Variants in TPR observed in about 807,000 individuals in gnomAD.
TPR encodes translocated promoter region, nuclear basket protein.
In TPR, 51 loss-of-function variants were observed where a neutral mutation model predicts 316.1. The ratio of observed to expected loss-of-function variants is 0.16; its 90% confidence interval spans 0.13 to 0.20. The LOEUF is 0.20. TPR is among the 10% of genes least tolerant of loss of function. TPR has a pLI of 1.00. For missense variants in TPR, 2,272 were observed against 2,754.8 expected, an observed-to-expected ratio of 0.82 and a Z score of 3.92; for synonymous variants, 981 against 914.7, an observed-to-expected ratio of 1.07 and a Z score of -1.31.
At position 186,339,892 on chromosome 1, in the gene TPR, G is replaced by C. The variant is rs181431347; in HGVS notation, c.4021-120C>G. 1.4e-5 allele frequency: 11 copies of C among 780,338 alleles called. No individual in the cohort carries two copies. In the Admixed American group the frequency reaches 2.3e-4, roughly 17 times the overall value. 48.3% of individuals were successfully genotyped at this position (780,338 alleles called of 1,614,324 possible). ...GGTGTCCTGCATGTAAAGTAATCAA[G>C]CATGGAACTACAAGATACTAAGATC... On this transcript the variant is annotated intron_variant, in intron 29 of 50. Transcript: ENST00000367478.
At chr1:186,315,723 T>G (rs1257360972) in intron 49 of TPR, among the ~76,000 whole-genome samples, 1 of 151,620 alleles carries the variant, frequency 6.6e-6, no homozygotes, top group Non-Finnish European at 1.5e-5. Flanking sequence ...ATCTACTCGA[T>G]CTATCCTCTC....
chr1:186,362,169 G>T, intron 7 of TPR, 119 bp downstream of exon 7: 1 of 753,630 alleles, frequency 1.3e-6, no homozygotes, highest in East Asian at 2.7e-5. Flanking sequence ...TATGGAAGGA[G>T]GACTCTCACT....
intron 31 of TPR, 93 bp downstream of exon 31, chr1:186,337,940 T>C: frequency 9.7e-7 from 1 of 1,028,982 alleles, no homozygotes; most frequent in Non-Finnish European, 1.4e-6. Context: ...GATTTCGGTA[T>C]CTAAAAGCTA....
rs769976850 is a variant in TPR at position 186,338,204 on chromosome 1, C to A, written c.4191G>T (p.Gln1397His). The change falls in exon 31 of 51, where the codon CAG becomes CAT. Residue 1397 changes from glutamine (Q) to histidine (H), a missense_variant. By Grantham distance (24) the Gln-to-His change is conservative. This residue lies in a region of TPR where 96 missense variants were observed against 134.6 expected (regional missense o/e 0.71). Coordinates refer to ENST00000367478, the MANE Select transcript of TPR (RefSeq NM_003292.3). ...ASLTNNQNLI[Q>H]SLKEDLNKVR... ...CTTTATTTAGATCTTCCTTCAGACT[C>A]TGAATTAAGTTCTGGTTGTTAGTCA... is the stretch of plus-strand genomic sequence containing the variant. 1 of 1,612,312 alleles carries A rather than the reference C, an allele frequency of 6.2e-7. No individual in the cohort carries two copies. The highest frequency in any genetic ancestry group is 1.1e-5 in the South Asian group (1 of 90,856).
At chr1:186,361,112 C>G (rs1159900701) in intron 9 of TPR, among the ~76,000 whole-genome samples, 1 of 151,534 alleles carries the variant, frequency 6.6e-6, no homozygotes, top group African/African-American at 2.4e-5. Context: ...ATGTCTCTTA[C>G]CCACAAAGAA....
intron 18 of TPR, 43 bp from the exon 19 acceptor site, chr1:186,352,153 G>A: frequency 3.2e-6 from 5 of 1,544,200 alleles, no homozygotes; most frequent in Non-Finnish European, 4.4e-6. Context: ...TGAAAAACAT[G>A]GTGTCAAGTG....
rs375633256 is a variant in TPR, at chr1:186,344,528, C to T, written c.3264G>A (p.Leu1088=). 1.2e-6 allele frequency: 2 copies of T among 1,611,234 alleles called. No individual in the cohort carries two copies. Among genetic ancestry groups the T allele is most frequent in the African/African-American group, 2.7e-5 (2 of 74,848 alleles). ...AQNKYERELM[L]HAADVEALQA... ...GTAGAGCTTCAACATCAGCAGCATG[C>T]AGCATCAATTCTCTCTCATACTTAT... Residue 1088 remains leucine, a synonymous_variant, in exon 25 of 51, where the codon CTG becomes CTA. Transcript: ENST00000367478.
intron 15 of TPR, 65 bp from the exon 16 acceptor site, chr1:186,355,833 C>T (rs1659012807): frequency 1.3e-5 from 21 of 1,561,334 alleles, no homozygotes; most frequent in East Asian, 2.2e-5. Flanking sequence ...TAATCTAATG[C>T]TTCTTTGCAA....
rs149949110 is a variant in TPR, at chr1:186,373,521, A to G, written c.152-58T>C. 164 of 996,532 alleles carry G rather than the reference A, an allele frequency of 1.6e-4. No individual in the cohort carries two copies. The African/African-American group carries it at 2.4e-3, about 15-fold the overall frequency. 61.7% of individuals were successfully genotyped at this position (996,532 alleles called of 1,614,324 possible). A position where few individuals can be genotyped will look rare whatever the true frequency, so the allele number is the denominator to read the frequency against. ...ATCAAACACATGTACATACATTGTG[A>G]ATACTGTTATTTATTTCTAATAACC... On this transcript the variant is annotated intron_variant, in intron 1 of 50. Transcript: ENST00000367478.
chr1:186,372,137 C>G (rs1481490475), intron 2 of TPR, among the ~76,000 whole-genome samples: 1 of 152,148 alleles, frequency 6.6e-6, no homozygotes, highest in Non-Finnish European at 1.5e-5. Flanking sequence ...AAGTTATAAC[C>G]TAAATAGTTG....
At chr1:186,343,589 T>C (rs1658581924) in intron 26 of TPR, 116 bp from the exon 27 acceptor site, 1 of 925,572 alleles carries the variant, frequency 1.1e-6, no homozygotes, top group African/African-American at 1.7e-5. Flanking sequence ...TTACACGTTT[T>C]CATTAATAAT....
At chr1:186,368,958 T>C (rs1043557067) in intron 3 of TPR, among the ~76,000 whole-genome samples, 4 of 152,218 alleles carry the variant, frequency 2.6e-5, no homozygotes, top group African/African-American at 9.6e-5. Context: ...CCAACATTCA[T>C]TTCTTCAAAT....
chr1:186,334,218 C>T (rs974995005), intron 36 of TPR, 107 bp downstream of exon 36: 25 of 1,153,992 alleles, frequency 2.2e-5, no homozygotes, highest in African/African-American at 7.8e-5. Context: ...TTTACAATGA[C>T]GTGACTTCAG....
At chr1:186,365,534 A>G (rs1412126651) in intron 4 of TPR, among the ~76,000 whole-genome samples, 2 of 152,212 alleles carry the variant, frequency 1.3e-5, no homozygotes, top group African/African-American at 4.8e-5. Flanking sequence ...ATCAGGAGTC[A>G]TAAGGACCTT....
intron 4 of TPR, 32 bp downstream of exon 4, chr1:186,367,854 T>A (rs1439584475): frequency 1.7e-5 from 25 of 1,479,246 alleles, no homozygotes; most frequent in Non-Finnish European, 2.3e-5. Context: ...AATAAAGGAA[T>A]GGAGCTAAAA....
At position 186,327,289 on chromosome 1, in the gene TPR, A is replaced by AATATAT. The variant is rs2102059783; in HGVS notation, c.5889+170_5889+171insATATAT. On this transcript the variant is annotated intron_variant, in intron 40 of 50. Coordinates refer to ENST00000367478, the MANE Select transcript of TPR (RefSeq NM_003292.3). ...ATATATATATTTATATATAATATATATAAATATATAATATATAATATATTA... is the reference window on the plus strand; with the variant it reads ...ATATATATATTTATATATAATATATAATATATTAAATATATAATATATAATATATTA... 2.2e-5 allele frequency among the ~76,000 whole-genome samples: 2 copies of AATATAT among 89,202 alleles called. 1 individual carries two copies. The highest frequency in any genetic ancestry group is 5.5e-4 in the South Asian group (2 of 3,624). The allele number at this position is 89,202 out of a possible 152,430, so 58.5% of individuals were successfully genotyped here. A position where few individuals can be genotyped will look rare whatever the true frequency, so the allele number is the denominator to read the frequency against.
intron 18 of TPR, among the ~76,000 whole-genome samples, chr1:186,353,330 C>T (rs1658926791): frequency 6.6e-6 from 1 of 151,808 alleles, no homozygotes; most frequent in Admixed American, 6.6e-5. Context: ...CAAGATCGTG[C>T]CACTGCACTC....
intron 18 of TPR, among the ~76,000 whole-genome samples, chr1:186,352,929 T>C (rs769676008): frequency 4.6e-5 from 7 of 152,166 alleles, no homozygotes; most frequent in Non-Finnish European, 7.3e-5. Context: ...AAGAAAACTA[T>C]ATAAAAAATT....
At chr1:186,364,902 A>C (rs750005632) in intron 4 of TPR, among the ~76,000 whole-genome samples, 4 of 152,144 alleles carry the variant, frequency 2.6e-5, no homozygotes, top group Middle Eastern at 3.2e-3. Context: ...GAGCAAATGC[A>C]GTCAGGTTTA....
Sources: gnomAD v4.1 joint callset for allele counts (sites outside exome capture counted in the v4.1 genomes callset) on GRCh38, gnomAD v4.1.1 for gene constraint, gnomAD v4.1.1 regional missense constraint, MANE v1.5 for transcripts, NCBI Gene and HGNC (gene_info 2026-07-23, HGNC 2026-07-21) for gene names.